HEATR3: variants seen among roughly 807,000 people sequenced by gnomAD.
HEATR3 encodes HEAT repeat-containing protein 3.
In HEATR3, 56 loss-of-function variants were observed where a neutral mutation model predicts 72.8. That is an observed-to-expected ratio of 0.77 (90% CI 0.62 to 0.96). The LOEUF (loss-of-function observed/expected upper bound fraction) is 0.96. Among genes scored for constraint, HEATR3 ranks in the 40% least tolerant of loss-of-function variants. The pLI, the probability that HEATR3 is intolerant of heterozygous loss-of-function variation, is 0.00. For synonymous variants in HEATR3, 331 were observed against 318.1 expected (o/e 1.04, Z -0.43); for missense variants, 747 against 831.4 (o/e 0.90, Z 1.25).
rs756188615 is a variant in HEATR3 at position 50,066,280 on chromosome 16, G to A, written c.138+11G>A. 1.1e-5 allele frequency: 18 copies of A among 1,574,852 alleles called. No homozygotes were observed. In the Admixed American group the frequency reaches 1.5e-4, roughly 13 times the overall value. On this transcript the variant is annotated intron_variant, in intron 1 of 14. Coordinates refer to ENST00000299192, the MANE Select transcript of HEATR3 (RefSeq NM_182922.4). ...GAGCTGCTGGAAAAGGTGAGGCGAG[G>A]GCTCCGTCGGGCCGGGAGGCGAGAC...
At chr16:50,091,633 G>C (rs2037113004) in intron 11 of HEATR3, among the ~76,000 whole-genome samples, 2 of 152,112 alleles carry the variant, frequency 1.3e-5, no homozygotes, top group Non-Finnish European at 2.9e-5. Flanking sequence ...CCAGCATTCT[G>C]GGGGGCCGAG....
chr16:50,097,110 G>A (rs1001851778), intron 12 of HEATR3, among the ~76,000 whole-genome samples: 1 of 151,958 alleles, frequency 6.6e-6, no homozygotes, highest in African/African-American at 2.4e-5. Context: ...AATCTAGACA[G>A]GTCCAGATTT....
Position 50,086,440 on chromosome 16 carries a change from T to A in HEATR3, c.1510+89T>A, listed in dbSNP as rs1468839896. 166 of 1,360,486 alleles carry A rather than the reference T, an allele frequency of 1.2e-4. No homozygotes were observed. In the South Asian group the frequency reaches 2.4e-3, roughly 19 times the overall value. The allele number at this position is 1,360,486 out of a possible 1,614,324, so 84.3% of individuals were successfully genotyped here. On this transcript the variant is annotated intron_variant, in intron 11 of 14. Transcript: ENST00000299192. ...GGATTTTGTAAATGTATATTGTTTG[T>A]CATCCAATGTGCAGAAACCTTTCCC...
intron 13 of HEATR3, 67 bp from the exon 14 acceptor site, chr16:50,102,192 C>A: frequency 7.5e-7 from 1 of 1,338,104 alleles, no homozygotes. Context: ...GTTATTGCCA[C>A]ATTCAAAGTT....
intron 7 of HEATR3, among the ~76,000 whole-genome samples, chr16:50,080,708 C>T (rs1224543181): frequency 4.6e-5 from 7 of 152,068 alleles, no homozygotes; most frequent in East Asian, 1.9e-4. Context: ...TGGTCTCAAG[C>T]GATCTTCCCA....
At chr16:50,083,133 C>G (rs1379334874) in intron 7 of HEATR3, among the ~76,000 whole-genome samples, 3 of 150,100 alleles carry the variant, frequency 2.0e-5, no homozygotes, top group Non-Finnish European at 3.0e-5. Flanking sequence ...GACTCTGTCT[C>G]TAAGGGGGAA....
At chr16:50,073,877 T>A (rs996320035) in intron 5 of HEATR3, 3 of 152,236 alleles carry the variant, frequency 2.0e-5, no homozygotes, top group Non-Finnish European at 2.9e-5. Context: ...AATGATTTTT[T>A]AAAATACATT....
Position 50,070,171 on chromosome 16 carries a change from G to C in HEATR3, c.400-7G>C. 6.9e-7 allele frequency: 1 copy of C among 1,451,798 alleles called. No homozygotes were observed. The highest frequency in any genetic ancestry group is 9.6e-7 in the Non-Finnish European group (1 of 1,045,498). 89.9% of individuals were successfully genotyped at this position (1,451,798 alleles called of 1,614,324 possible). On this transcript the variant is annotated splice_region_variant and splice_polypyrimidine_tract_variant and intron_variant, in intron 3 of 14. Transcript: ENST00000299192. ...ACCAGGGTGCTAATCATGATATTTG[G>C]TTACAGTGTAGTGCTGGACTGGATT...
intron 11 of HEATR3, among the ~76,000 whole-genome samples, chr16:50,091,525 A>G (rs1239981855): frequency 6.6e-6 from 1 of 152,048 alleles, no homozygotes; most frequent in East Asian, 1.9e-4. Context: ...CCTGAGTATA[A>G]TTACTTGTGG....
intron 6 of HEATR3, among the ~76,000 whole-genome samples, chr16:50,076,173 A>AT (rs35922252): frequency 0.68 from 102,279 of 150,372 alleles, 34,921 homozygotes; most frequent in South Asian, 0.72. Context: ...ATGTTGAGAG[A>AT]TTTTTTTTTT....
chr16:50,071,584 C>G (rs934086031), intron 4 of HEATR3, among the ~76,000 whole-genome samples: 1 of 152,168 alleles, frequency 6.6e-6, no homozygotes, highest in Non-Finnish European at 1.5e-5. Flanking sequence ...GTTACTATAA[C>G]TTTTAACATT....
chr16:50,076,993 G>C (rs908754269), intron 6 of HEATR3, among the ~76,000 whole-genome samples: 4 of 147,774 alleles, frequency 2.7e-5, no homozygotes, highest in Non-Finnish European at 6.0e-5. Flanking sequence ...TCAGCCTCCC[G>C]AGTAGCTGGG....
chr16:50,091,347 A>C (rs1040359797), intron 11 of HEATR3, among the ~76,000 whole-genome samples: 1 of 151,718 alleles, frequency 6.6e-6, no homozygotes, highest in Admixed American at 6.6e-5. Flanking sequence ...CATGCCTGTA[A>C]TCCCAGCTAC....
intron 14 of HEATR3, among the ~76,000 whole-genome samples, chr16:50,104,678 A>G (rs2037441835): frequency 1.3e-5 from 2 of 152,224 alleles, no homozygotes; most frequent in South Asian, 4.1e-4. Flanking sequence ...CATGGTTTAC[A>G]TAATTCCTTT....
At chr16:50,097,629 A>G (rs2037271975) in intron 12 of HEATR3, among the ~76,000 whole-genome samples, 1 of 152,022 alleles carries the variant, frequency 6.6e-6, no homozygotes, top group Non-Finnish European at 1.5e-5. Flanking sequence ...AAAACCTGGA[A>G]TCTGGCCAGG....
intron 12 of HEATR3, among the ~76,000 whole-genome samples, chr16:50,096,716 C>G (rs1000772502): frequency 8.5e-5 from 13 of 152,100 alleles, no homozygotes; most frequent in African/African-American, 3.1e-4. Flanking sequence ...GGGAGAATTG[C>G]TTGAACTGGG....
rs1372710141 is a variant in HEATR3 at position 50,065,973 on chromosome 16, C to G, written c.-159C>G. 5 of 305,538 alleles carry G rather than the reference C, an allele frequency of 1.6e-5. No individual in the cohort carries two copies. Among genetic ancestry groups the G allele is most frequent in the South Asian group, 1.3e-4 (3 of 23,542 alleles). 18.9% of individuals were successfully genotyped at this position (305,538 alleles called of 1,614,324 possible). On this transcript the variant is annotated 5_prime_UTR_variant, in exon 1 of 15. Coordinates refer to ENST00000299192, the MANE Select transcript of HEATR3 (RefSeq NM_182922.4). ...CCCGCCCCAACCCCGACCCGGCAGA[C>G]GACGCGCCGTGCGCCTGCGCACGGC... is the stretch of plus-strand genomic sequence containing the variant.
Position 50,104,981 on chromosome 16 carries a change from TGTGTTCTTGA to T in HEATR3, c.1964_1973del (p.Cys655SerfsTer3), listed in dbSNP as rs774150937. 6.2e-7 allele frequency: 1 copy of T among 1,612,802 alleles called. No homozygotes were observed. Among genetic ancestry groups the T allele is most frequent in the Non-Finnish European group, 8.5e-7 (1 of 1,179,632 alleles). The stretch of plus-strand genomic sequence containing the variant: ...AGGTAACTATAGCACAGATCAGCTG[TGTGTTCTTGA>T]CAATGTGAAAATGAATTTGCGAAGA... On this transcript the variant is annotated frameshift_variant, in exon 15 of 15. Coordinates refer to ENST00000299192, the MANE Select transcript of HEATR3 (RefSeq NM_182922.4). LOFTEE classifies it high-confidence loss of function.
intron 1 of HEATR3, 23 bp from the exon 2 acceptor site, chr16:50,066,344 A>G (rs768132285): frequency 3.2e-6 from 5 of 1,559,090 alleles, no homozygotes; most frequent in Non-Finnish European, 4.3e-6. Context: ...GCGCCTTCTG[A>G]CCCTTTTCGC....
Sources: gnomAD v4.1 joint callset for allele counts (sites outside exome capture counted in the v4.1 genomes callset) on GRCh38, gnomAD v4.1.1 for gene constraint, MANE v1.5 for transcripts, NCBI Gene and HGNC (gene_info 2026-07-23, HGNC 2026-07-21) for gene names.